The following L3MBTL4 variants were observed in gnomAD, a reference collection of about 807,000 sequenced individuals.
L3MBTL4 encodes L3MBTL histone methyl-lysine binding protein 4, also known as lethal(3)malignant brain tumor-like protein 4.
Under a neutral mutation model 84.5 loss-of-function variants are expected in L3MBTL4, and 70 were observed. That is an observed-to-expected ratio of 0.83 (90% CI 0.68 to 1.01). The LOEUF is 1.01. Among genes scored for constraint, L3MBTL4 ranks in the 50% least tolerant of loss-of-function variants. The pLI is 0.00. For synonymous variants in L3MBTL4, 274 were observed against 259.8 expected (o/e 1.05, Z -0.52); for missense variants, 715 against 754.8 (o/e 0.95, Z 0.62).
At chr18:6,228,060 T>C (rs1392951306) in intron 10 of L3MBTL4, among the ~76,000 whole-genome samples, 1 of 152,216 alleles carries the variant, frequency 6.6e-6, no homozygotes, top group East Asian at 1.9e-4. Context: ...GTGGTATTAA[T>C]GTAAAGTTAC....
At chr18:6,305,568 G>T (rs989499264) in intron 3 of L3MBTL4, among the ~76,000 whole-genome samples, 15 of 152,210 alleles carry the variant, frequency 9.9e-5, no homozygotes, top group Middle Eastern at 3.4e-3. Context: ...AACCATTACT[G>T]CGATTTCTCA....
chr18:6,084,745 G>T (rs2058202456), intron 15 of L3MBTL4, among the ~76,000 whole-genome samples: 1 of 152,208 alleles, frequency 6.6e-6, no homozygotes, highest in African/African-American at 2.4e-5. Context: ...GAGAGACAGA[G>T]GATGTGCTAT....
At chr18:6,313,255 G>A (rs1347106541) in intron 1 of L3MBTL4, among the ~76,000 whole-genome samples, 2 of 152,040 alleles carry the variant, frequency 1.3e-5, no homozygotes, top group African/African-American at 4.8e-5. Flanking sequence ...ACATAAACAT[G>A]TCTCTCTGAA....
At chr18:6,294,786 C>G (rs1001760284) in intron 4 of L3MBTL4, among the ~76,000 whole-genome samples, 2 of 152,170 alleles carry the variant, frequency 1.3e-5, no homozygotes, top group Admixed American at 6.5e-5. Context: ...TACTATCCAC[C>G]AGGGACCTCT....
At chr18:6,242,539 C>T (rs575205429) in intron 7 of L3MBTL4, among the ~76,000 whole-genome samples, 1 of 152,302 alleles carries the variant, frequency 6.6e-6, no homozygotes, top group Non-Finnish European at 1.5e-5. Flanking sequence ...TTCCTCCAAA[C>T]CAGCAACCTC....
intron 13 of L3MBTL4, among the ~76,000 whole-genome samples, chr18:6,142,044 T>A (rs2060213387): frequency 6.6e-6 from 1 of 152,256 alleles, no homozygotes; most frequent in Non-Finnish European, 1.5e-5. Context: ...TGTGTCCCCT[T>A]GGATAACTTC....
chr18:6,069,395 G>A (rs1461300432), intron 16 of L3MBTL4, among the ~76,000 whole-genome samples: 1 of 152,164 alleles, frequency 6.6e-6, no homozygotes, highest in African/African-American at 2.4e-5. Context: ...AGTAGCAGTG[G>A]GATTTAAGCT....
intron 16 of L3MBTL4, among the ~76,000 whole-genome samples, chr18:5,990,605 A>G (rs1331676766): frequency 6.6e-6 from 1 of 152,210 alleles, no homozygotes. Flanking sequence ...CATGCCATCA[A>G]TATTAATTTT....
At chr18:6,184,460 C>T (rs932302242) in intron 12 of L3MBTL4, among the ~76,000 whole-genome samples, 3 of 152,086 alleles carry the variant, frequency 2.0e-5, no homozygotes, top group African/African-American at 7.2e-5. Context: ...CAAACAAATA[C>T]GTCTAAAGGA....
intron 12 of L3MBTL4, among the ~76,000 whole-genome samples, chr18:6,193,643 C>A (rs757923983): frequency 8.5e-5 from 13 of 152,114 alleles, no homozygotes; most frequent in Admixed American, 2.6e-4. Context: ...GACATCACTG[C>A]GGATAAAGGG....
At position 6,311,567 on chromosome 18, in the gene L3MBTL4, T is replaced by C. The variant is rs149610080; in HGVS notation, c.59A>G (p.Gln20Arg). Reference protein sequence around the residue: ...LNMDSKERLDQDGRLEQAEEE... With the variant: ...LNMDSKERLDRDGRLEQAEEE... ...TGGACATCTTACCAAGCGTCCGTCC[T>C]GATCCAAACGCTCTTTGGAATCCAT... The change falls in exon 3 of 19, where the codon CAG (glutamine) becomes CGG (arginine). Residue 20 changes from glutamine (Q) to arginine (R), a missense_variant. Transcript: ENST00000317931. The C allele has an allele frequency of 1.9e-6, 3 of 1,613,220 alleles. No homozygotes were observed. The highest frequency in any genetic ancestry group is 1.7e-6 in the Non-Finnish European group (2 of 1,179,606).
chr18:6,198,474 A>G (rs1030402341), intron 12 of L3MBTL4, among the ~76,000 whole-genome samples: 1 of 152,164 alleles, frequency 6.6e-6, no homozygotes, highest in Non-Finnish European at 1.5e-5. Context: ...CTTGCACCAT[A>G]GTCCGATGCT....
At chr18:6,062,203 G>A (rs1275560526) in intron 16 of L3MBTL4, among the ~76,000 whole-genome samples, 1 of 151,914 alleles carries the variant, frequency 6.6e-6, no homozygotes, top group South Asian at 2.1e-4. Context: ...GTTTGTCTGA[G>A]AAAGTCTTTA....
chr18:6,214,071 TG>T (rs1329612058), intron 11 of L3MBTL4, among the ~76,000 whole-genome samples: 16 of 152,238 alleles, frequency 1.1e-4, no homozygotes, highest in African/African-American at 3.9e-4. Flanking sequence ...AGATAAAAGC[TG>T]TGTAATTTCA....
intron 13 of L3MBTL4, among the ~76,000 whole-genome samples, chr18:6,168,489 A>G (rs1349506554): frequency 1.3e-5 from 2 of 152,186 alleles, no homozygotes; most frequent in Admixed American, 6.5e-5. Flanking sequence ...GATACAGACC[A>G]ATGGAACAGA....
intron 16 of L3MBTL4, among the ~76,000 whole-genome samples, chr18:5,982,171 G>C (rs2053261218): frequency 1.3e-5 from 2 of 152,166 alleles, no homozygotes; most frequent in African/African-American, 4.8e-5. Context: ...TTTAAAGAGA[G>C]TCCTGCTAGT....
intron 1 of L3MBTL4, among the ~76,000 whole-genome samples, chr18:6,409,690 G>A (rs2055885616): frequency 6.6e-6 from 1 of 152,128 alleles, no homozygotes; most frequent in South Asian, 2.1e-4. Flanking sequence ...CCGAAAAGGG[G>A]AAAAGCCCAC....
At chr18:6,239,302 C>T (rs1474719262) in intron 9 of L3MBTL4, among the ~76,000 whole-genome samples, 1 of 144,072 alleles carries the variant, frequency 6.9e-6, no homozygotes, top group Non-Finnish European at 1.5e-5. Context: ...GATCCCGCCA[C>T]TGCACTCCAG....
Position 6,401,502 on chromosome 18 carries a change from A to G in L3MBTL4, c.-91+13299T>C, listed in dbSNP as rs997714373. Among the ~76,000 whole-genome samples the G allele has an allele frequency of 2.6e-5, 4 of 152,186 alleles. No homozygotes were observed. In the South Asian group the frequency reaches 8.3e-4, roughly 32 times the overall value. On this transcript the variant is annotated intron_variant, in intron 1 of 18. Transcript: ENST00000317931. ...CCACGAAAAGTGCACAGGGCAAAAA[A>G]TGCACCGGGCAAGAAGACAGCTTAT...
Sources: gnomAD v4.1 joint callset for allele counts (sites outside exome capture counted in the v4.1 genomes callset) on GRCh38, gnomAD v4.1.1 for gene constraint, MANE v1.5 for transcripts, NCBI Gene and HGNC (gene_info 2026-07-23, HGNC 2026-07-21) for gene names.